The following SORCS1 variants were observed in gnomAD, a reference collection of about 807,000 sequenced individuals.
SORCS1 encodes VPS10 domain-containing receptor SorCS1.
A neutral mutation model predicts 146.1 loss-of-function variants in SORCS1; 60 were observed. That is an observed-to-expected ratio of 0.41 (90% CI 0.33 to 0.51). The LOEUF (loss-of-function observed/expected upper bound fraction) is 0.51, where lower values mean the gene tolerates loss of function less well. Ranked by LOEUF, SORCS1 falls within the 20% of genes least tolerant of loss-of-function variation. SORCS1 has a pLI of 0.21. For missense variants in SORCS1, 1,352 were observed against 1,487.6 expected (o/e 0.91, Z 1.50); for synonymous variants, 637 against 584.0 (o/e 1.09, Z -1.31).
chr10:106,792,547 C>T (rs929865566), intron 3 of SORCS1, among the ~76,000 whole-genome samples: 1 of 152,214 alleles, frequency 6.6e-6, no homozygotes, highest in Admixed American at 6.5e-5. Flanking sequence ...ATCATTCCTC[C>T]AAGATTATTC....
At chr10:106,986,489 T>G (rs2139411544) in intron 1 of SORCS1, among the ~76,000 whole-genome samples, 1 of 150,890 alleles carries the variant, frequency 6.6e-6, no homozygotes, top group South Asian at 2.1e-4. Flanking sequence ...ATGAAGTTGA[T>G]TCTTAAGAAT....
At chr10:106,751,857 G>A (rs899981267) in intron 5 of SORCS1, among the ~76,000 whole-genome samples, 1 of 152,088 alleles carries the variant, frequency 6.6e-6, no homozygotes, top group Non-Finnish European at 1.5e-5. Flanking sequence ...ACAAGTTTCT[G>A]CTGCTCTATT....
intron 1 of SORCS1, 27 bp downstream of exon 1, chr10:107,163,942 C>T: frequency 1.3e-6 from 2 of 1,597,658 alleles, no homozygotes; most frequent in Non-Finnish European, 8.6e-7. Flanking sequence ...CTTTCCACCC[C>T]TTTACCCTCA....
At chr10:107,108,768 T>C (rs1965482671) in intron 1 of SORCS1, among the ~76,000 whole-genome samples, 1 of 152,142 alleles carries the variant, frequency 6.6e-6, no homozygotes, top group Non-Finnish European at 1.5e-5. Flanking sequence ...CAAAGTCTTA[T>C]CTGAGACAAA....
At chr10:106,671,462 A>ACATTACATTACAT in intron 15 of SORCS1, 95 bp from the exon 16 acceptor site, 1 of 1,534,692 alleles carries the variant, frequency 6.5e-7, no homozygotes, top group Non-Finnish European at 8.8e-7. Context: ...TGCACATCTT[A>ACATTACATTACAT]GTGTAATGTA....
the SORCS1 span, among the ~76,000 whole-genome samples, chr10:107,171,434 G>C: frequency 5.6e-4 from 85 of 151,564 alleles, no homozygotes; most frequent in African/African-American, 2.1e-3. Context: ...TTGGGCAAGA[G>C]ACTGAGCTTT....
intron 3 of SORCS1, among the ~76,000 whole-genome samples, chr10:106,826,338 C>T (rs887128347): frequency 1.3e-5 from 2 of 152,210 alleles, no homozygotes; most frequent in East Asian, 1.9e-4. Context: ...GATAGCACCG[C>T]GGAGACCTGA....
At chr10:107,156,649 G>A (rs1969304588) in intron 1 of SORCS1, among the ~76,000 whole-genome samples, 1 of 152,218 alleles carries the variant, frequency 6.6e-6, no homozygotes, top group South Asian at 2.1e-4. Flanking sequence ...CCTTGAGCAA[G>A]TAAAACCCAT....
In SORCS1 at chr10:106,737,780, T is replaced by C. The variant is rs550528500; in HGVS notation, c.960-7666A>G. On this transcript the variant is annotated intron_variant, in intron 5 of 25. Coordinates refer to ENST00000263054, the MANE Select transcript of SORCS1 (RefSeq NM_052918.5). The stretch of plus-strand genomic sequence containing the variant: ...ACCATGCTCAAATCAGTGCTCCTGA[T>C]CCCCAAACAAAAATCACAGTGCCAA... 3.9e-5 allele frequency among the ~76,000 whole-genome samples: 6 copies of C among 152,038 alleles called. No individual in the cohort carries two copies. In the East Asian group the frequency reaches 1.2e-3, roughly 29 times the overall value.
At chr10:106,803,241 G>A (rs1230921032) in intron 3 of SORCS1, among the ~76,000 whole-genome samples, 3 of 151,946 alleles carry the variant, frequency 2.0e-5, no homozygotes, top group Admixed American at 6.6e-5. Context: ...CAAGAATGAG[G>A]GTAGTATTCT....
intron 1 of SORCS1, among the ~76,000 whole-genome samples, chr10:107,077,435 T>A (rs1279624861): frequency 1.3e-5 from 2 of 151,984 alleles, no homozygotes; most frequent in East Asian, 3.8e-4. Context: ...TTCAAATTCA[T>A]AAATGTAAAG....
intron 2 of SORCS1, among the ~76,000 whole-genome samples, chr10:106,950,060 C>G (rs543723937): frequency 2.0e-5 from 3 of 152,304 alleles, no homozygotes; most frequent in African/African-American, 7.2e-5. Flanking sequence ...AACCACCACG[C>G]TCTCCAATTC....
At chr10:107,166,939 A>C (rs2134977320), upstream of SORCS1, among the ~76,000 whole-genome samples, 1 of 152,356 alleles carries the variant, frequency 6.6e-6, no homozygotes, top group South Asian at 2.1e-4. Context: ...GCGCTTCCTG[A>C]AGAATGCTCG....
At chr10:106,869,125 C>T (rs1278281719) in intron 2 of SORCS1, among the ~76,000 whole-genome samples, 2 of 152,078 alleles carry the variant, frequency 1.3e-5, no homozygotes, top group Non-Finnish European at 2.9e-5. Context: ...CATACACCCT[C>T]CTAAGAATGA....
At chr10:106,688,153 C>G (rs751213586) in intron 10 of SORCS1, 39 bp downstream of exon 10, 3 of 1,602,720 alleles carry the variant, frequency 1.9e-6, no homozygotes, top group South Asian at 1.1e-5. Context: ...TTCCATCCCT[C>G]TACTGTGTGA....
chr10:107,058,701 G>A (rs1395947111), intron 1 of SORCS1, among the ~76,000 whole-genome samples: 1 of 152,136 alleles, frequency 6.6e-6, no homozygotes, highest in African/African-American at 2.4e-5. Flanking sequence ...AGGGTGGTGA[G>A]TTAGAATATA....
chr10:106,626,539 A>T (rs1418251681), intron 19 of SORCS1, among the ~76,000 whole-genome samples: 1 of 152,156 alleles, frequency 6.6e-6, no homozygotes, highest in Non-Finnish European at 1.5e-5. Context: ...CTCCATCTTT[A>T]AGATGCCTGA....
chr10:106,857,439 GAA>G (rs1949832101), intron 2 of SORCS1, among the ~76,000 whole-genome samples: 1 of 152,240 alleles, frequency 6.6e-6, no homozygotes, highest in African/African-American at 2.4e-5. Context: ...AAGATGTCCT[GAA>G]AGCGGAACAG....
At chr10:106,640,100 A>G (rs1303265710) in intron 18 of SORCS1, among the ~76,000 whole-genome samples, 2 of 152,188 alleles carry the variant, frequency 1.3e-5, no homozygotes, top group Non-Finnish European at 2.9e-5. Flanking sequence ...AAGGCTCCAA[A>G]TAGCCTTTTC....
Sources: gnomAD v4.1 joint callset for allele counts (sites outside exome capture counted in the v4.1 genomes callset) on GRCh38, gnomAD v4.1.1 for gene constraint, MANE v1.5 for transcripts, NCBI Gene and HGNC (gene_info 2026-07-23, HGNC 2026-07-21) for gene names.